Variants in PLXNA4 observed in about 807,000 individuals in gnomAD.
PLXNA4 encodes the protein plexin-A4.
PLXNA4 carries 44 observed loss-of-function variants against 191.8 expected under a neutral mutation model. That is an observed-to-expected ratio of 0.23 (90% CI 0.18 to 0.29). The LOEUF (loss-of-function observed/expected upper bound fraction) is 0.29, where lower values mean the gene tolerates loss of function less well. PLXNA4 is among the 10% of genes least tolerant of loss of function. PLXNA4 has a pLI of 1.00. For missense variants in PLXNA4, 1,800 were observed against 2,488.8 expected (o/e 0.72, Z 5.89); for synonymous variants, 1,082 against 1,009.5 (o/e 1.07, Z -1.36).
In PLXNA4 at chr7:132,507,485, C is replaced by T. The variant is rs200886006; in HGVS notation, c.1188+21G>A. On this transcript the variant is annotated intron_variant, in intron 2 of 31. Transcript: ENST00000321063. ...TCCTACACTCCCAACCATCCCAGCG[C>T]GCAGCCCTCCCTGTACTCACCGCAC... is the stretch of plus-strand genomic sequence containing the variant. 1,119 of 1,585,208 alleles carry T rather than the reference C, an allele frequency of 7.1e-4. 1 individual carries two copies. Among genetic ancestry groups the T allele is most frequent in the Non-Finnish European group, 8.7e-4 (1,015 of 1,165,046 alleles).
intron 2 of PLXNA4, among the ~76,000 whole-genome samples, chr7:132,591,664 TA>T (rs1802605003): frequency 1.3e-5 from 2 of 152,172 alleles, no homozygotes; most frequent in Non-Finnish European, 2.9e-5. Flanking sequence ...AACACTTTCT[TA>T]AAAACATAAC....
chr7:132,141,610 G>T (rs571031922), intron 29 of PLXNA4, among the ~76,000 whole-genome samples: 4 of 152,280 alleles, frequency 2.6e-5, no homozygotes, highest in Admixed American at 6.5e-5. Flanking sequence ...GATGTGTAGG[G>T]TCCAGCATGG....
chr7:132,401,507 A>G (rs1395858066), intron 3 of PLXNA4, among the ~76,000 whole-genome samples: 1 of 152,250 alleles, frequency 6.6e-6, no homozygotes, highest in Non-Finnish European at 1.5e-5. Context: ...CAGTACCAAA[A>G]GCTTCATGAA....
intron 10 of PLXNA4, among the ~76,000 whole-genome samples, chr7:132,210,075 C>T (rs191776733): frequency 1.3e-5 from 2 of 152,280 alleles, no homozygotes; most frequent in Non-Finnish European, 2.9e-5. Flanking sequence ...TAGATCTGCC[C>T]CTGCTTCCAG....
At chr7:132,354,614 G>A (rs1037659750) in intron 3 of PLXNA4, among the ~76,000 whole-genome samples, 2 of 152,220 alleles carry the variant, frequency 1.3e-5, no homozygotes, top group Non-Finnish European at 2.9e-5. Context: ...TTGTCCACAT[G>A]TGTGTGTCCT....
chr7:132,425,165 T>C (rs1794995877), intron 3 of PLXNA4, among the ~76,000 whole-genome samples: 1 of 152,236 alleles, frequency 6.6e-6, no homozygotes, highest in South Asian at 2.1e-4. Context: ...CAATCTCTTC[T>C]ACGTCTCCCT....
chr7:132,341,066 G>A (rs758706444), intron 3 of PLXNA4, among the ~76,000 whole-genome samples: 17 of 152,164 alleles, frequency 1.1e-4, no homozygotes, highest in Non-Finnish European at 1.9e-4. Flanking sequence ...AGAACATTTC[G>A]AGGGGCATGA....
At chr7:132,389,268 A>T (rs550076443) in intron 3 of PLXNA4, among the ~76,000 whole-genome samples, 32 of 152,258 alleles carry the variant, frequency 2.1e-4, no homozygotes, top group African/African-American at 7.5e-4. Context: ...CTTTGGTTTA[A>T]TCAGATCCTA....
chr7:132,212,145 G>C (rs1584852318), intron 9 of PLXNA4, among the ~76,000 whole-genome samples: 1 of 152,118 alleles, frequency 6.6e-6, no homozygotes, highest in Non-Finnish European at 1.5e-5. Flanking sequence ...CACTGTCTGG[G>C]GCATGCCAAG....
At chr7:132,561,857 A>ATCC (rs1801131886) in intron 1 of PLXNA4, among the ~76,000 whole-genome samples, 1 of 32,762 alleles carries the variant, frequency 3.1e-5, no homozygotes, top group Non-Finnish European at 6.2e-5. Context: ...CCTCCTCCTT[A>ATCC]TCCTCCTCTT....
At chr7:132,202,573 A>C in intron 12 of PLXNA4, 73 bp downstream of exon 12, 7 of 1,358,316 alleles carry the variant, frequency 5.2e-6, no homozygotes, top group Non-Finnish European at 5.7e-6. Context: ...ACGGCTGGGC[A>C]GAGTTTCCAC....
intron 3 of PLXNA4, among the ~76,000 whole-genome samples, chr7:132,346,340 A>G (rs904167270): frequency 1.3e-5 from 2 of 152,262 alleles, no homozygotes; most frequent in Non-Finnish European, 2.9e-5. Context: ...GTTTTAACTC[A>G]GTGTTTTAAC....
chr7:132,260,577 C>G (rs1372074507), intron 4 of PLXNA4, among the ~76,000 whole-genome samples: 1 of 151,964 alleles, frequency 6.6e-6, no homozygotes, highest in Non-Finnish European at 1.5e-5. Context: ...ATGCTCACTA[C>G]CTGGGTGGTG....
chr7:132,349,044 GT>G (rs1213198375), intron 3 of PLXNA4, among the ~76,000 whole-genome samples: 13 of 152,112 alleles, frequency 8.5e-5, no homozygotes, highest in Non-Finnish European at 1.3e-4. Flanking sequence ...TTGCTCCTCT[GT>G]AAGACACTGG....
chr7:132,423,382 C>T lies in PLXNA4; in HGVS notation c.1371+65910G>A, dbSNP rs148863078. ...GAAGTGGAAAGCTAGGATCTAGGCC[C>T]TGTTCTGTCCTCCCTCAGGGCTCCA... On this transcript the variant is annotated intron_variant, in intron 3 of 31. Coordinates refer to ENST00000321063, the MANE Select transcript of PLXNA4 (RefSeq NM_020911.2). Among the ~76,000 whole-genome samples the T allele has an allele frequency of 1.1e-4, 16 of 152,324 alleles. 1 individual carries two copies. The highest frequency in any genetic ancestry group is 6.5e-5 in the Admixed American group (1 of 15,300).
rs1798611677 is a variant in PLXNA4, at chr7:132,234,047, T to C, written c.1605-5578A>G. Among the ~76,000 whole-genome samples the C allele has an allele frequency of 1.3e-5, 2 of 151,362 alleles. 1 individual carries two copies. The highest frequency in any genetic ancestry group is 4.2e-4 in the South Asian group (2 of 4,756). Reference sequence around the variant, plus strand: ...ATTTTCTACTAAGGTTGAGGAGAGGTTAGGAAAGAACAGGTGTGGAGCAGA... The same window carrying C: ...ATTTTCTACTAAGGTTGAGGAGAGGCTAGGAAAGAACAGGTGTGGAGCAGA... On this transcript the variant is annotated intron_variant, in intron 5 of 31. Coordinates refer to ENST00000321063, the MANE Select transcript of PLXNA4 (RefSeq NM_020911.2).
At chr7:132,221,321 T>C (rs2116946691) in intron 9 of PLXNA4, among the ~76,000 whole-genome samples, 1 of 152,300 alleles carries the variant, frequency 6.6e-6, no homozygotes, top group East Asian at 1.9e-4. Context: ...GCTAGCTCAA[T>C]TGTTTTTGCT....
chr7:132,328,896 G>A (rs1802480981), intron 3 of PLXNA4, among the ~76,000 whole-genome samples: 1 of 152,350 alleles, frequency 6.6e-6, no homozygotes, highest in Non-Finnish European at 1.5e-5. Flanking sequence ...GTCTTCTCAA[G>A]ACTCAGCCAC....
chr7:132,450,319 C>T (rs1200107035), intron 3 of PLXNA4, among the ~76,000 whole-genome samples: 1 of 152,164 alleles, frequency 6.6e-6, no homozygotes, highest in Admixed American at 6.5e-5. Context: ...AGGTATGAAA[C>T]CTCATACATG....
Sources: gnomAD v4.1 joint callset for allele counts (sites outside exome capture counted in the v4.1 genomes callset) on GRCh38, gnomAD v4.1.1 for gene constraint, MANE v1.5 for transcripts, NCBI Gene and HGNC (gene_info 2026-07-23, HGNC 2026-07-21) for gene names.